The following TRIM22 variants were observed in gnomAD, a reference collection of about 807,000 sequenced individuals.
The protein encoded by TRIM22 is tripartite motif containing 22.
TRIM22 carries 45 observed loss-of-function variants against 53.6 expected under a neutral mutation model. The observed-to-expected ratio is 0.84, with a 90% CI of 0.66 to 1.08. The LOEUF (loss-of-function observed/expected upper bound fraction) is 1.08, where lower values mean the gene tolerates loss of function less well. Ranked by LOEUF, TRIM22 falls within the 50% of genes least tolerant of loss-of-function variation. TRIM22 has a pLI of 0.00. For missense variants in TRIM22, 616 were observed against 590.9 expected, an observed-to-expected ratio of 1.04 and a Z score of -0.44; for synonymous variants, 225 against 216.6, an observed-to-expected ratio of 1.04 and a Z score of -0.34.
rs1225311724 is a variant in TRIM22 at position 5,709,580 on chromosome 11, C to A, written c.1429C>A (p.Pro477Thr). ...YKFSGCRFSRPAYPYFNPWNC... is the reference protein window; with the variant it reads ...YKFSGCRFSRTAYPYFNPWNC... The stretch of plus-strand genomic sequence containing the variant: ...GTTCTCTGGATGTCGCTTTTCTCGA[C>A]CTGCTTATCCGTATTTCAATCCTTG... The change falls in exon 8 of 8, where the codon CCT becomes ACT. Residue 477 changes from proline (P) to threonine (T), a missense_variant. Pro to Thr is a conservative substitution (Grantham distance 38). Transcript: ENST00000379965. The A allele has an allele frequency of 6.8e-6, 11 of 1,613,510 alleles. No individual in the cohort carries two copies. The highest frequency in any genetic ancestry group is 8.5e-6 in the Non-Finnish European group (10 of 1,180,032).
chr11:5,708,190 TG>T lies in TRIM22; in HGVS notation c.792del (p.Lys265ArgfsTer10). ...ATCACTAGGAGTGAAAGCTGGACAT[TG>T]AAGAAGCCAAAATCTGTTTCCAAGA... ...DVMKRSESWT[L>X]KKPKSVSKKL... On this transcript the variant is annotated frameshift_variant, in exon 6 of 8. Transcript: ENST00000379965. LOFTEE classifies it high-confidence loss of function. The T allele has an allele frequency of 1.2e-6, 2 of 1,614,124 alleles. No individual in the cohort carries two copies. The highest frequency in any genetic ancestry group is 8.5e-7 in the Non-Finnish European group (1 of 1,179,960).
intron 3 of TRIM22, chr11:5,698,006 T>G: frequency 7.2e-6 from 2 of 278,998 alleles, no homozygotes; most frequent in African/African-American, 2.2e-5. Flanking sequence ...CCAGGCCAGG[T>G]AGAGGGATTT....
In TRIM22 at chr11:5,709,194, A is replaced by G. The variant is rs767151671; in HGVS notation, c.1043A>G (p.Gln348Arg). 5 of 1,614,154 alleles carry G rather than the reference A, an allele frequency of 3.1e-6. No homozygotes were observed. In the East Asian group the frequency reaches 1.1e-4, roughly 36 times the overall value. The change falls in exon 8 of 8, where the codon CAA (glutamine) becomes CGA (arginine). Residue 348 changes from glutamine (Q) to arginine (R), a missense_variant. By Grantham distance (43) the Gln-to-Arg change is conservative. Transcript: ENST00000379965. ...DFSAFGVFGC[Q>R]YFSSGKYYWE... Reference sequence around the variant, plus strand: ...TCTGCTTTTGGTGTCTTCGGCTGCCAATATTTCTCTTCGGGGAAATATTAC... The same window carrying G: ...TCTGCTTTTGGTGTCTTCGGCTGCCGATATTTCTCTTCGGGGAAATATTAC...
At position 5,700,133 on chromosome 11, in the gene TRIM22, T is replaced by C. The variant is rs899647500; in HGVS notation, c.750+1588T>C. ...TGTATGGTTTTTTTTTTTTGGTGTATTTTTTTGGAGACGGAGTCTCTTACT... is the reference window on the plus strand; with the variant it reads ...TGTATGGTTTTTTTTTTTTGGTGTACTTTTTTGGAGACGGAGTCTCTTACT... On this transcript the variant is annotated intron_variant, in intron 4 of 7. Transcript: ENST00000379965. Among the ~76,000 whole-genome samples, 5 of 151,984 alleles carry C rather than the reference T, an allele frequency of 3.3e-5. No homozygotes were observed. In the South Asian group the frequency reaches 1.0e-3, roughly 32 times the overall value.
intron 5 of TRIM22, among the ~76,000 whole-genome samples, chr11:5,707,556 T>C (rs1203720625): frequency 6.6e-6 from 1 of 152,222 alleles, no homozygotes; most frequent in Non-Finnish European, 1.5e-5. Context: ...ACGCCTACAA[T>C]GCTAGCACTT....
rs11541920 is a variant in TRIM22 at position 5,696,372 on chromosome 11, T to C, written c.140T>C (p.Val47Ala). The C allele has an allele frequency of 6.2e-6, 10 of 1,614,126 alleles. No homozygotes were observed. Among genetic ancestry groups the C allele is most frequent in the Non-Finnish European group, 8.5e-6 (10 of 1,180,060 alleles). Residue 47 changes from valine (V) to alanine (A), a missense_variant, in exon 2 of 8, where the codon GTG becomes GCG. Physicochemically the swap from Val to Ala is moderately conservative, Grantham distance 64. Coordinates refer to ENST00000379965, the MANE Select transcript of TRIM22 (RefSeq NM_006074.5). ...ATCACTGCAAAGATCAAGGAGTCAGTGATCATCTCAAGAGGGGAAAGCAGC... is the reference window on the plus strand; with the variant it reads ...ATCACTGCAAAGATCAAGGAGTCAGCGATCATCTCAAGAGGGGAAAGCAGC... ...ACITAKIKES[V>A]IISRGESSCP...
Position 5,698,382 on chromosome 11 carries a change from A to T in TRIM22, c.587A>T (p.Asn196Ile), listed in dbSNP as rs368924880. Reference protein sequence around the residue: ...GFNEMRVILDNEEQRELQKLE... With the variant: ...GFNEMRVILDIEEQRELQKLE... The stretch of plus-strand genomic sequence containing the variant: ...AATGAAATGAGAGTCATCTTGGACA[A>T]TGAGGAGCAGAGAGAGCTGCAAAAG... Residue 196 changes from asparagine to isoleucine, a missense_variant, in exon 4 of 8, where the codon AAT becomes ATT. Physicochemically the swap from Asn to Ile is moderately radical, Grantham distance 149. Coordinates refer to ENST00000379965, the MANE Select transcript of TRIM22 (RefSeq NM_006074.5). 1.2e-6 allele frequency: 2 copies of T among 1,614,190 alleles called. No homozygotes were observed. Among genetic ancestry groups the T allele is most frequent in the South Asian group, 2.2e-5 (2 of 91,086 alleles).
rs551012030 is a variant in TRIM22, at chr11:5,709,578, G to C, written c.1427G>C (p.Arg476Pro). 1.2e-6 allele frequency: 2 copies of C among 1,613,290 alleles called. No homozygotes were observed. The highest frequency in any genetic ancestry group is 3.3e-5 in the Admixed American group (2 of 59,974). Residue 476 changes from arginine (R) to proline (P), a missense_variant, in exon 8 of 8, where the codon CGA (arginine) becomes CCA (proline). Arg to Pro is a moderately radical substitution (Grantham distance 103). Transcript: ENST00000379965. ...AAGTTCTCTGGATGTCGCTTTTCTC[G>C]ACCTGCTTATCCGTATTTCAATCCT... ...IYKFSGCRFS[R>P]PAYPYFNPWN...
At chr11:5,701,012 T>C (rs1468981107) in intron 4 of TRIM22, among the ~76,000 whole-genome samples, 1 of 152,190 alleles carries the variant, frequency 6.6e-6, no homozygotes, top group Non-Finnish European at 1.5e-5. Context: ...CATTAATAAT[T>C]TTCAAAGATT....
At position 5,709,854 on chromosome 11, in the gene TRIM22, G is replaced by A. The variant is rs1340474105; in HGVS notation, c.*206G>A. On this transcript the variant is annotated 3_prime_UTR_variant, in exon 8 of 8. Coordinates refer to ENST00000379965, the MANE Select transcript of TRIM22 (RefSeq NM_006074.5). Reference sequence around the variant, plus strand: ...ACTGTAATTGTATTGCCGTACTGTGGGCTGGAAATCCCAAATCTAGATTCC... The same window carrying A: ...ACTGTAATTGTATTGCCGTACTGTGAGCTGGAAATCCCAAATCTAGATTCC... The A allele has an allele frequency of 3.6e-6, 2 of 556,160 alleles. No individual in the cohort carries two copies. The highest frequency in any genetic ancestry group is 6.3e-6 in the Non-Finnish European group (2 of 319,940). 34.5% of individuals were successfully genotyped at this position (556,160 alleles called of 1,614,324 possible). A position where few individuals can be genotyped will look rare whatever the true frequency, so the allele number is the denominator to read the frequency against.
chr11:5,706,777 G>T (rs12362820), intron 5 of TRIM22, among the ~76,000 whole-genome samples, 161 bp downstream of exon 5: 293 of 152,316 alleles, frequency 1.9e-3, no homozygotes, highest in Non-Finnish European at 3.2e-3. Flanking sequence ...GTTTTCAATT[G>T]TAAGAAATTT....
At position 5,698,017 on chromosome 11, in the gene TRIM22, A is replaced by G. The variant is rs1853297833; in HGVS notation, c.520-298A>G. 2.9e-5 allele frequency: 9 copies of G among 306,416 alleles called. No homozygotes were observed. The South Asian group carries it at 3.4e-4, about 12-fold the overall frequency. 19.0% of individuals were successfully genotyped at this position (306,416 alleles called of 1,614,324 possible). A position where few individuals can be genotyped will look rare whatever the true frequency, so the allele number is the denominator to read the frequency against. The stretch of plus-strand genomic sequence containing the variant: ...TGTGCCAGGCCAGGTAGAGGGATTT[A>G]AGATACAGAAAGGCAAAGTTGTTCA... On this transcript the variant is annotated intron_variant, in intron 3 of 7. Coordinates refer to ENST00000379965, the MANE Select transcript of TRIM22 (RefSeq NM_006074.5).
chr11:5,691,290 G>C (rs935249949), intron 1 of TRIM22: 1 of 152,306 alleles, frequency 6.6e-6, no homozygotes, highest in African/African-American at 2.4e-5. Flanking sequence ...AACTCTAAGG[G>C]GGTCCGCGTG....
chr11:5,708,686 C>A, intron 7 of TRIM22, 83 bp downstream of exon 7: 2 of 1,208,566 alleles, frequency 1.7e-6, no homozygotes, highest in Non-Finnish European at 2.3e-6. Flanking sequence ...CTCATGTGTT[C>A]CTCCCCAAAC....
At chr11:5,695,222 A>G (rs998687291) in intron 1 of TRIM22, among the ~76,000 whole-genome samples, 4 of 152,230 alleles carry the variant, frequency 2.6e-5, no homozygotes, top group Admixed American at 2.6e-4. Flanking sequence ...TGGTTTTGCT[A>G]TAAGTAAATT....
intron 4 of TRIM22, 84 bp downstream of exon 4, chr11:5,698,629 C>A: frequency 2.6e-6 from 3 of 1,140,298 alleles, no homozygotes; most frequent in Non-Finnish European, 3.8e-6. Flanking sequence ...AGTCTCTAGG[C>A]TTTCTTCTGT....
intron 4 of TRIM22, among the ~76,000 whole-genome samples, chr11:5,702,333 C>A (rs1853387701): frequency 7.1e-6 from 1 of 140,352 alleles, no homozygotes. Context: ...ACTAATATAA[C>A]TAATAATAAT....
At chr11:5,697,666 T>G in intron 3 of TRIM22, 1 of 264,936 alleles carries the variant, frequency 3.8e-6, no homozygotes, top group East Asian at 6.9e-5. Context: ...AGACCCAGGA[T>G]TCCCTGTTTA....
rs1016915562 is a variant in TRIM22, at chr11:5,708,109, A to G, written c.774-64A>G. ...AAGTATGGTGAAAGGTGAAAGAGAC[A>G]GTGATCTTGGATGGAGAGAAATAGG... On this transcript the variant is annotated intron_variant, in intron 5 of 7. Coordinates refer to ENST00000379965, the MANE Select transcript of TRIM22 (RefSeq NM_006074.5). 11 of 1,304,352 alleles carry G rather than the reference A, an allele frequency of 8.4e-6. No homozygotes were observed. In the African/African-American group the frequency reaches 1.6e-4, roughly 19 times the overall value. 80.8% of individuals were successfully genotyped at this position (1,304,352 alleles called of 1,614,324 possible).
Sources: allele counts gnomAD v4.1 joint callset (sites outside exome capture counted in the v4.1 genomes callset), GRCh38; gene constraint gnomAD v4.1.1; transcripts MANE v1.5; gene names NCBI Gene and HGNC (gene_info 2026-07-23, HGNC 2026-07-21).